Variants in ADAMTSL1 observed in about 807,000 individuals in gnomAD.
ADAMTSL1 encodes ADAMTS like 1.
Under a neutral mutation model 201.8 loss-of-function variants are expected in ADAMTSL1, and 126 were observed. The ratio of observed to expected loss-of-function variants is 0.62; its 90% CI spans 0.54 to 0.72. The LOEUF is 0.72. Ranked by LOEUF, ADAMTSL1 falls within the 30% of genes least tolerant of loss-of-function variation. The probability of loss-of-function intolerance (pLI) is 0.00; values close to 1 mark genes in which losing one functional copy is unlikely to be tolerated. For synonymous variants in ADAMTSL1, 1,121 were observed against 903.4 expected (o/e 1.24, Z -4.32); for missense variants, 2,679 against 2,277.8 (o/e 1.18, Z -3.59).
intron 15 of ADAMTSL1, among the ~76,000 whole-genome samples, chr9:18,749,373 C>T (rs1259404734): frequency 6.6e-6 from 1 of 152,088 alleles, no homozygotes; most frequent in Non-Finnish European, 1.5e-5. Context: ...TTGAGGGTTT[C>T]CTCTCTGAAG....
intron 1 of ADAMTSL1, among the ~76,000 whole-genome samples, chr9:18,486,516 C>A (rs1822003208): frequency 6.6e-6 from 1 of 152,254 alleles, no homozygotes; most frequent in Middle Eastern, 3.4e-3. Context: ...CCAACCTGGG[C>A]AACATGGCAA....
At chr9:18,727,933 G>T (rs1028069445) in intron 15 of ADAMTSL1, among the ~76,000 whole-genome samples, 2 of 151,920 alleles carry the variant, frequency 1.3e-5, no homozygotes, top group East Asian at 1.9e-4. Context: ...TGCAAAAATT[G>T]GTCGGGTGTG....
intron 3 of ADAMTSL1, among the ~76,000 whole-genome samples, chr9:18,546,408 C>G (rs796929812): frequency 6.6e-6 from 1 of 152,074 alleles, no homozygotes; most frequent in Non-Finnish European, 1.5e-5. Context: ...AACTCCTGGA[C>G]TCAAGTGATC....
chr9:18,422,219 A>G (rs1209661205), intron 2 of ADAMTSL1, among the ~76,000 whole-genome samples: 1 of 152,126 alleles, frequency 6.6e-6, no homozygotes, highest in East Asian at 1.9e-4. Context: ...AAACATGGAA[A>G]GTGTGTCTAG....
intron 2 of ADAMTSL1, among the ~76,000 whole-genome samples, chr9:18,400,143 A>C (rs943073441): frequency 1.2e-4 from 19 of 152,162 alleles, no homozygotes; most frequent in African/African-American, 4.1e-4. Context: ...AAAGCCATTA[A>C]GTTTTTTCTT....
intron 2 of ADAMTSL1, among the ~76,000 whole-genome samples, chr9:18,315,396 G>A (rs890747884): frequency 9.2e-5 from 14 of 152,068 alleles, no homozygotes; most frequent in East Asian, 1.9e-4. Flanking sequence ...AGTGGCGCCC[G>A]TCAGGGAGGC....
chr9:17,979,250 A>T (rs1307498874), intron 1 of ADAMTSL1, among the ~76,000 whole-genome samples: 1 of 151,976 alleles, frequency 6.6e-6, no homozygotes, highest in Non-Finnish European at 1.5e-5. Flanking sequence ...ATTTCTTTAT[A>T]TATTACCCTG....
intron 2 of ADAMTSL1, among the ~76,000 whole-genome samples, chr9:18,205,428 A>G (rs1014485117): frequency 2.0e-5 from 3 of 152,134 alleles, no homozygotes; most frequent in Non-Finnish European, 2.9e-5. Context: ...TTACTTTAAA[A>G]TAAATACAGT....
intron 27 of ADAMTSL1, 112 bp downstream of exon 27, chr9:18,906,003 C>G (rs1830290265): frequency 2.2e-6 from 2 of 922,144 alleles, no homozygotes; most frequent in Non-Finnish European, 3.2e-6. Flanking sequence ...CAAGCCCTGC[C>G]TGGGACTCCA....
At chr9:18,500,778 C>A (rs1026666132) in intron 1 of ADAMTSL1, among the ~76,000 whole-genome samples, 3 of 152,126 alleles carry the variant, frequency 2.0e-5, no homozygotes, top group Non-Finnish European at 4.4e-5. Flanking sequence ...ATGAGATGCA[C>A]TCTAGACTTT....
chr9:18,776,699 C>T lies in ADAMTSL1; in HGVS notation c.2552-82C>T, dbSNP rs1296002588. ...CTCCACTCTGGCTCTTTCCTTTGCC[C>T]CTCTCTCCTGGCTGCATCTCACTCT... On this transcript the variant is annotated intron_variant, in intron 18 of 28. Coordinates refer to ENST00000380548, the MANE Select transcript of ADAMTSL1 (RefSeq NM_001040272.6). 5 of 1,404,702 alleles carry T rather than the reference C, an allele frequency of 3.6e-6. No individual in the cohort carries two copies. The African/African-American group carries it at 4.3e-5, about 12-fold the overall frequency. 87.0% of individuals were successfully genotyped at this position (1,404,702 alleles called of 1,614,324 possible).
chr9:18,842,513 T>C (rs1825788385), intron 23 of ADAMTSL1, among the ~76,000 whole-genome samples: 1 of 152,244 alleles, frequency 6.6e-6, no homozygotes, highest in Admixed American at 6.5e-5. Context: ...ATGTATACTC[T>C]GTTGATTTGG....
chr9:18,761,689 G>C (rs73644664), intron 16 of ADAMTSL1, among the ~76,000 whole-genome samples: 173 of 152,166 alleles, frequency 1.1e-3, no homozygotes, highest in African/African-American at 4.1e-3. Context: ...GCCTCACCGG[G>C]TCATCTTAGC....
At chr9:18,235,306 T>C (rs1830805235) in intron 2 of ADAMTSL1, among the ~76,000 whole-genome samples, 1 of 152,106 alleles carries the variant, frequency 6.6e-6, no homozygotes, top group Non-Finnish European at 1.5e-5. Flanking sequence ...GTGTTACGGG[T>C]TCTTGGGAGG....
chr9:18,633,238 T>A (rs58204184), intron 5 of ADAMTSL1, among the ~76,000 whole-genome samples: 1 of 152,130 alleles, frequency 6.6e-6, no homozygotes, highest in African/African-American at 2.4e-5. Context: ...TTTAACTGCT[T>A]TGAGTTTCTT....
intron 2 of ADAMTSL1, among the ~76,000 whole-genome samples, chr9:18,435,133 C>A (rs766552504): frequency 1.3e-3 from 198 of 152,312 alleles, no homozygotes; most frequent in Admixed American, 4.4e-3. Context: ...TCTAGTAATT[C>A]TTTTCAAGAA....
At chr9:18,698,851 CT>C (rs566992564) in intron 13 of ADAMTSL1, among the ~76,000 whole-genome samples, 81 of 152,324 alleles carry the variant, frequency 5.3e-4, no homozygotes, top group African/African-American at 1.9e-3. Flanking sequence ...AATCTTCCCC[CT>C]GGCCTTTTTC....
intron 2 of ADAMTSL1, among the ~76,000 whole-genome samples, chr9:18,417,077 A>T (rs1230943409): frequency 2.0e-5 from 3 of 152,072 alleles, no homozygotes; most frequent in Non-Finnish European, 2.9e-5. Flanking sequence ...TATGTTTTCT[A>T]ATTAGAATGG....
Position 18,909,438 on chromosome 9 carries a change from G to A in ADAMTSL1, c.*890G>A, listed in dbSNP as rs1830488827. ...TGCAGCTGCAGCAAAGCCAGTGAGA[G>A]GTGGGTCTCGCCATGCAGTAAGGCC... On this transcript the variant is annotated 3_prime_UTR_variant, in exon 29 of 29. Coordinates refer to ENST00000380548, the MANE Select transcript of ADAMTSL1 (RefSeq NM_001040272.6). 1 of 152,358 alleles carries A rather than the reference G, an allele frequency of 6.6e-6. No individual in the cohort carries two copies. Among genetic ancestry groups the A allele is most frequent in the Non-Finnish European group, 1.5e-5 (1 of 68,166 alleles). 9.4% of individuals were successfully genotyped at this position (152,358 alleles called of 1,614,324 possible). A position where few individuals can be genotyped will look rare whatever the true frequency, so the allele number is the denominator to read the frequency against.
Sources: allele counts gnomAD v4.1 joint callset (sites outside exome capture counted in the v4.1 genomes callset), GRCh38; gene constraint gnomAD v4.1.1; transcripts MANE v1.5; gene names NCBI Gene and HGNC (gene_info 2026-07-23, HGNC 2026-07-21).